The following ZNF385C variants were observed in gnomAD, a reference collection of about 807,000 sequenced individuals.
The protein encoded by ZNF385C is zinc finger protein 385C.
A neutral mutation model predicts 35.4 loss-of-function variants in ZNF385C; 28 were observed. That is an observed-to-expected ratio of 0.79 (90% CI 0.59 to 1.08). The LOEUF is 1.08. Ranked by LOEUF, ZNF385C falls within the 50% of genes least tolerant of loss-of-function variation. The probability of loss-of-function intolerance (pLI) is 0.00; values close to 1 mark genes in which losing one functional copy is unlikely to be tolerated. For synonymous variants in ZNF385C, 248 were observed against 248.2 expected, an observed-to-expected ratio of 1.00 and a Z score of 0.01; for missense variants, 605 against 595.6, an observed-to-expected ratio of 1.02 and a Z score of -0.16.
At chr17:42,032,841 T>C (rs1598179741) in intron 4 of ZNF385C, among the ~76,000 whole-genome samples, 1 of 151,792 alleles carries the variant, frequency 6.6e-6, no homozygotes, top group East Asian at 1.9e-4. Flanking sequence ...GCCTCCCGAG[T>C]AGCTGGGATT....
intron 2 of ZNF385C, chr17:42,039,878 G>A (rs2052966570): frequency 8.1e-7 from 1 of 1,231,306 alleles, no homozygotes; most frequent in Non-Finnish European, 1.0e-6. Context: ...TCCCGGCTGC[G>A]GCCGACCTTG....
chr17:42,065,320 G>A (rs1402670593), intron 1 of ZNF385C: 2 of 152,138 alleles, frequency 1.3e-5, no homozygotes, highest in Admixed American at 6.5e-5. Flanking sequence ...CTCCACTGTC[G>A]AAGCCACTGA....
rs144951079 is a variant in ZNF385C, at chr17:42,073,065, A to G, written c.-2-10007T>C. The stretch of plus-strand genomic sequence containing the variant: ...ATTCATGGACCACCTGCTGGGTGCC[A>G]GGGGGATCACACTGAAACCTCAGAA... On this transcript the variant is annotated intron_variant, in intron 1 of 8. Transcript: ENST00000692273. 4.1e-4 allele frequency among the ~76,000 whole-genome samples: 62 copies of G among 152,312 alleles called. No homozygotes were observed. In the East Asian group the frequency reaches 0.012, roughly 28 times the overall value.
chr17:42,051,476 T>G (rs1349312853), intron 2 of ZNF385C, among the ~76,000 whole-genome samples: 2 of 152,028 alleles, frequency 1.3e-5, no homozygotes, highest in Non-Finnish European at 2.9e-5. Flanking sequence ...TATTTAACTC[T>G]GAGGCCTTGG....
At chr17:42,064,073 TACACACACACACAC>T (rs55771386) in intron 1 of ZNF385C, among the ~76,000 whole-genome samples, 1,607 of 129,822 alleles carry the variant, frequency 0.012, 25 homozygotes, top group African/African-American at 0.038. Context: ...CACACGCACA[TACACACACACACAC>T]ACACACACAC....
chr17:42,063,367 A>G (rs1437196851), intron 1 of ZNF385C, among the ~76,000 whole-genome samples: 1 of 152,094 alleles, frequency 6.6e-6, no homozygotes. Context: ...TGTCTCTACT[A>G]AAAATACATA....
intron 2 of ZNF385C, among the ~76,000 whole-genome samples, chr17:42,058,763 C>A (rs1299672471): frequency 2.6e-5 from 4 of 152,244 alleles, no homozygotes; most frequent in Admixed American, 2.6e-4. Flanking sequence ...TCAAGTGATT[C>A]TCTTGCTTCA....
At chr17:42,062,347 G>A (rs2053474943) in intron 2 of ZNF385C, 1 of 155,430 alleles carries the variant, frequency 6.4e-6, no homozygotes, top group African/African-American at 2.4e-5. Context: ...GGAGTCCAAA[G>A]GAAGAGGGGC....
At chr17:42,053,964 G>A (rs955547041) in intron 2 of ZNF385C, among the ~76,000 whole-genome samples, 2 of 152,200 alleles carry the variant, frequency 1.3e-5, no homozygotes, top group African/African-American at 4.8e-5. Flanking sequence ...GCGCGAGGGA[G>A]GGACTCCTGG....
chr17:42,031,051 T>C (rs1271696533), intron 5 of ZNF385C, among the ~76,000 whole-genome samples: 1 of 129,080 alleles, frequency 7.7e-6, no homozygotes, highest in Non-Finnish European at 1.6e-5. Flanking sequence ...GTCTCTTTTT[T>C]TGGGGGTGGG....
chr17:42,089,642 C>CA (rs2053844524), intron 1 of ZNF385C, among the ~76,000 whole-genome samples: 1 of 151,524 alleles, frequency 6.6e-6, no homozygotes, highest in Non-Finnish European at 1.5e-5. Flanking sequence ...GACCACGAAT[C>CA]TTTTTTTTTG....
chr17:42,080,082 C>T (rs1025450244), intron 1 of ZNF385C, among the ~76,000 whole-genome samples: 1 of 152,104 alleles, frequency 6.6e-6, no homozygotes, highest in Admixed American at 6.5e-5. Flanking sequence ...GTAGGAGAGG[C>T]CAGAGCTGGA....
At chr17:42,085,661 G>A (rs934726278) in intron 1 of ZNF385C, among the ~76,000 whole-genome samples, 50 of 148,238 alleles carry the variant, frequency 3.4e-4, no homozygotes, top group African/African-American at 1.2e-3. Flanking sequence ...GCAGTGGCGC[G>A]ATCTCGGCTC....
intron 1 of ZNF385C, among the ~76,000 whole-genome samples, chr17:42,071,893 C>T (rs2053628707): frequency 6.6e-6 from 1 of 152,216 alleles, no homozygotes; most frequent in African/African-American, 2.4e-5. Flanking sequence ...AGCCTAAGTC[C>T]TGGAAGCCAG....
chr17:42,040,145 G>A, intron 2 of ZNF385C: 1 of 1,231,478 alleles, frequency 8.1e-7, no homozygotes, highest in Non-Finnish European at 1.0e-6. Context: ...AGCTCCTCCG[G>A]CGCCTGCGGG....
chr17:42,093,388 G>A (rs2053882896), intron 1 of ZNF385C, among the ~76,000 whole-genome samples: 1 of 152,138 alleles, frequency 6.6e-6, no homozygotes, highest in African/African-American at 2.4e-5. Context: ...CAACCAGACA[G>A]ACAAGGGGCT....
At chr17:42,084,793 T>A (rs2053788642) in intron 1 of ZNF385C, among the ~76,000 whole-genome samples, 1 of 152,008 alleles carries the variant, frequency 6.6e-6, no homozygotes, top group Non-Finnish European at 1.5e-5. Context: ...AAAAAAATTT[T>A]TTTTTTAGAG....
chr17:42,097,123 A>T (rs1489543390), intron 1 of ZNF385C, among the ~76,000 whole-genome samples: 1 of 151,984 alleles, frequency 6.6e-6, no homozygotes, highest in Non-Finnish European at 1.5e-5. Context: ...AGCGCTCTAC[A>T]TGTGTACCCT....
chr17:42,057,983 G>C (rs1288452611), intron 2 of ZNF385C, among the ~76,000 whole-genome samples: 3 of 152,032 alleles, frequency 2.0e-5, no homozygotes, highest in African/African-American at 7.2e-5. Context: ...CTGGGCAGGA[G>C]ACAGATGGGG....
Sources: allele counts gnomAD v4.1 joint callset (sites outside exome capture counted in the v4.1 genomes callset), GRCh38; gene constraint gnomAD v4.1.1; transcripts MANE v1.5; gene names NCBI Gene and HGNC (gene_info 2026-07-23, HGNC 2026-07-21).